Variants in UBR1 observed in about 807,000 individuals in gnomAD.
The protein encoded by UBR1 is ubiquitin protein ligase E3 component n-recognin 1.
Under a neutral mutation model 242.1 loss-of-function variants are expected in UBR1, and 102 were observed. That is an observed-to-expected ratio of 0.42 (90% confidence interval 0.36 to 0.50). The LOEUF (loss-of-function observed/expected upper bound fraction) is 0.50. Among genes scored for constraint, UBR1 ranks in the 20% least tolerant of loss-of-function variants. The pLI is 0.01. For synonymous variants in UBR1, 675 were observed against 684.8 expected (o/e 0.99, Z 0.22); for missense variants, 1,772 against 2,101.8 (o/e 0.84, Z 3.07).
chr15:43,036,461 C>T (rs1275222142), intron 18 of UBR1, 67 bp downstream of exon 18: 2 of 1,320,728 alleles, frequency 1.5e-6, no homozygotes, highest in East Asian at 2.3e-5. Context: ...ACATTATCTT[C>T]TCTCCTTAGA....
At chr15:43,022,130 A>C (rs148704493) in intron 26 of UBR1, among the ~76,000 whole-genome samples, 1 of 152,184 alleles carries the variant, frequency 6.6e-6, no homozygotes, top group East Asian at 1.9e-4. Context: ...GGATCTAAAA[A>C]ATACAGCATG....
At chr15:42,984,790 C>G in intron 36 of UBR1, 97 bp downstream of exon 36, 1 of 1,147,174 alleles carries the variant, frequency 8.7e-7, no homozygotes, top group Admixed American at 1.9e-5. Flanking sequence ...CTAATTTTTA[C>G]AGAAAATGAG....
chr15:43,057,259 A>T (rs2033630000), intron 10 of UBR1, among the ~76,000 whole-genome samples: 1 of 152,202 alleles, frequency 6.6e-6, no homozygotes, highest in African/African-American at 2.4e-5. Context: ...GACATACAAC[A>T]AATGTCTTAG....
At chr15:43,033,256 T>C (rs2033280923) in intron 19 of UBR1, among the ~76,000 whole-genome samples, 1 of 152,174 alleles carries the variant, frequency 6.6e-6, no homozygotes, top group Non-Finnish European at 1.5e-5. Context: ...CTCACACCTG[T>C]AATCCCAGCA....
chr15:42,964,831 A>G (rs1310822267), intron 41 of UBR1, among the ~76,000 whole-genome samples: 1 of 152,200 alleles, frequency 6.6e-6, no homozygotes, highest in African/African-American at 2.4e-5. Flanking sequence ...CCCTCTATGT[A>G]GCTGTTTGCT....
chr15:43,096,168 T>TTCTC (rs1209440868), intron 1 of UBR1, among the ~76,000 whole-genome samples: 1 of 151,734 alleles, frequency 6.6e-6, no homozygotes, highest in Non-Finnish European at 1.5e-5. Context: ...CTATGGCAAT[T>TTCTC]TCTCTCTTTT....
At chr15:43,035,452 T>G (rs577354770) in intron 19 of UBR1, among the ~76,000 whole-genome samples, 1 of 152,058 alleles carries the variant, frequency 6.6e-6, no homozygotes, top group African/African-American at 2.4e-5. Context: ...TTCATGTCCT[T>G]TGCCCACTTT....
At chr15:42,984,830 G>GT in intron 36 of UBR1, 57 bp downstream of exon 36, 1 of 1,445,882 alleles carries the variant, frequency 6.9e-7, no homozygotes, top group Admixed American at 1.7e-5. Context: ...ATAATAAACT[G>GT]TGGGGGGGAA....
intron 1 of UBR1, among the ~76,000 whole-genome samples, chr15:43,098,280 A>C (rs1442870424): frequency 6.6e-6 from 1 of 152,196 alleles, no homozygotes; most frequent in Non-Finnish European, 1.5e-5. Context: ...TAGTAACATC[A>C]AAGGTCACTG....
intron 23 of UBR1, 52 bp from the exon 24 acceptor site, chr15:43,025,481 G>GA: frequency 7.2e-7 from 1 of 1,394,050 alleles, no homozygotes; most frequent in Non-Finnish European, 1.0e-6. Flanking sequence ...TGAAACAAAT[G>GA]AAATACATTA....
chr15:42,952,280 T>C lies in UBR1; in HGVS notation c.5004A>G (p.Leu1668=), dbSNP rs2031846937. ...LHCGAGVCIF[L]KIRECRVVLV... ...CTTCCAGAACACTCACTACTCACTT[T>C]AGGAAAATGCAGACTCCGGCTCCAC... The change falls in exon 45 of 47, where the codon CTA becomes CTG. Residue 1668 remains leucine, a splice_region_variant and synonymous_variant. Transcript: ENST00000290650. 1 of 1,614,146 alleles carries C rather than the reference T, an allele frequency of 6.2e-7. No individual in the cohort carries two copies. The highest frequency in any genetic ancestry group is 8.5e-7 in the Non-Finnish European group (1 of 1,180,038).
chr15:43,007,432 C>G lies in UBR1; in HGVS notation c.3210-148G>C, dbSNP rs952151632. Reference sequence around the variant, plus strand: ...TTAGCAATATTAAGTTAAAAGCTTCCCCCTTTCCTTTGTGGCTTTTATCAG... The same window carrying G: ...TTAGCAATATTAAGTTAAAAGCTTCGCCCTTTCCTTTGTGGCTTTTATCAG... On this transcript the variant is annotated intron_variant, in intron 29 of 46. Coordinates refer to ENST00000290650, the MANE Select transcript of UBR1 (RefSeq NM_174916.3). 7 of 787,736 alleles carry G rather than the reference C, an allele frequency of 8.9e-6. No homozygotes were observed. In the African/African-American group the frequency reaches 1.2e-4, roughly 14 times the overall value. The allele number at this position is 787,736 out of a possible 1,614,324, so 48.8% of individuals were successfully genotyped here. A position where few individuals can be genotyped will look rare whatever the true frequency, so the allele number is the denominator to read the frequency against.
At chr15:43,088,103 T>C (rs2034060503) in intron 1 of UBR1, among the ~76,000 whole-genome samples, 1 of 152,260 alleles carries the variant, frequency 6.6e-6, no homozygotes, top group Non-Finnish European at 1.5e-5. Flanking sequence ...TTTTTTACTG[T>C]ATATACACAT....
At chr15:43,050,948 G>A (rs944712824) in intron 12 of UBR1, among the ~76,000 whole-genome samples, 1 of 152,106 alleles carries the variant, frequency 6.6e-6, no homozygotes, top group Non-Finnish European at 1.5e-5. Flanking sequence ...AGGTTGCAGG[G>A]AAAAATGAAT....
chr15:43,062,323 GTA>G (rs2033698570), intron 6 of UBR1, among the ~76,000 whole-genome samples: 1 of 151,734 alleles, frequency 6.6e-6, no homozygotes, highest in Non-Finnish European at 1.5e-5. Flanking sequence ...GTACATATAT[GTA>G]TATATGTGTA....
At chr15:43,070,666 A>C in intron 5 of UBR1, 129 bp downstream of exon 5, 13 of 1,387,528 alleles carry the variant, frequency 9.4e-6, no homozygotes, top group Non-Finnish European at 1.3e-5. Context: ...AATATTCCCA[A>C]GAGATAAGTC....
intron 37 of UBR1, among the ~76,000 whole-genome samples, chr15:42,981,784 A>G (rs1440690080): frequency 2.0e-5 from 3 of 152,196 alleles, no homozygotes; most frequent in Non-Finnish European, 2.9e-5. Context: ...AGTGAAGCAC[A>G]TATCTGGCAT....
intron 19 of UBR1, among the ~76,000 whole-genome samples, chr15:43,033,771 T>A (rs1459137737): frequency 6.6e-6 from 1 of 152,232 alleles, no homozygotes; most frequent in Non-Finnish European, 1.5e-5. Flanking sequence ...TCAAAATAGT[T>A]AAGGGCTACT....
At chr15:43,078,148 G>C (rs2033930061) in intron 3 of UBR1, among the ~76,000 whole-genome samples, 1 of 152,168 alleles carries the variant, frequency 6.6e-6, no homozygotes, top group South Asian at 2.1e-4. Flanking sequence ...CCCCAAAAGA[G>C]AAAGCCCAAT....
Sources: allele counts gnomAD v4.1 joint callset (sites outside exome capture counted in the v4.1 genomes callset), GRCh38; gene constraint gnomAD v4.1.1; transcripts MANE v1.5; gene names NCBI Gene and HGNC (gene_info 2026-07-23, HGNC 2026-07-21).